OLFM2: variants seen among roughly 807,000 people sequenced by gnomAD.
OLFM2 encodes the protein noelin-2.
Under a neutral mutation model 43.9 loss-of-function variants are expected in OLFM2, and 20 were observed. The ratio of observed to expected loss-of-function variants is 0.46; its 90% confidence interval spans 0.32 to 0.66. The LOEUF is 0.66. OLFM2 is among the 30% of genes least tolerant of loss of function. OLFM2 has a pLI of 0.04. For missense variants in OLFM2, 416 were observed against 643.6 expected (o/e 0.65, Z 3.83); for synonymous variants, 268 against 278.6 (o/e 0.96, Z 0.38).
chr19:9,872,713 T>G (rs1178482357), intron 1 of OLFM2, among the ~76,000 whole-genome samples: 31 of 151,696 alleles, frequency 2.0e-4, no homozygotes, highest in Admixed American at 2.0e-3. Flanking sequence ...CATTCATCCA[T>G]CTATCCATTC....
At chr19:9,894,535 C>G (rs2046666569) in intron 1 of OLFM2, among the ~76,000 whole-genome samples, 1 of 151,550 alleles carries the variant, frequency 6.6e-6, no homozygotes. Flanking sequence ...CACGGAGAAA[C>G]CCCGTCTCTA....
intron 1 of OLFM2, among the ~76,000 whole-genome samples, chr19:9,906,048 C>T (rs1050939683): frequency 3.3e-5 from 5 of 152,176 alleles, no homozygotes; most frequent in African/African-American, 1.2e-4. Flanking sequence ...GCCATGAAGA[C>T]ACGCTCAAAC....
chr19:9,882,394 C>T (rs948882495), intron 1 of OLFM2, among the ~76,000 whole-genome samples: 1 of 151,396 alleles, frequency 6.6e-6, no homozygotes, highest in African/African-American at 2.4e-5. Context: ...AAAAATTAGC[C>T]AGGCAAGGTG....
intron 1 of OLFM2, among the ~76,000 whole-genome samples, chr19:9,920,893 T>G (rs1417382082): frequency 6.7e-6 from 1 of 149,968 alleles, no homozygotes. Context: ...GGCAACAGAG[T>G]GAGACTCCAT....
chr19:9,913,535 G>C, intron 1 of OLFM2: 1 of 1,214,406 alleles, frequency 8.2e-7, no homozygotes, highest in African/African-American at 1.6e-5. Flanking sequence ...CCCCACGAGC[G>C]AGGGCAGCGT....
At chr19:9,894,376 C>CAATAATAATAATAATAAT (rs528905230) in intron 1 of OLFM2, among the ~76,000 whole-genome samples, 32 of 118,286 alleles carry the variant, frequency 2.7e-4, no homozygotes, top group Middle Eastern at 4.3e-3. Flanking sequence ...GACTCTCTCT[C>CAATAATAATAATAATAAT]AATAATAATA....
intron 1 of OLFM2, among the ~76,000 whole-genome samples, chr19:9,889,643 T>C (rs1416833829): frequency 6.6e-6 from 1 of 151,926 alleles, no homozygotes; most frequent in East Asian, 1.9e-4. Context: ...TGCATCGGGG[T>C]GTCTGTGAGT....
At chr19:9,872,702 C>T (rs1472629624) in intron 1 of OLFM2, among the ~76,000 whole-genome samples, 1 of 151,892 alleles carries the variant, frequency 6.6e-6, no homozygotes, top group East Asian at 1.9e-4. Flanking sequence ...ACCTTTCCAC[C>T]CATTCATCCA....
chr19:9,917,334 CG>C (rs1382101187), intron 1 of OLFM2, among the ~76,000 whole-genome samples: 1 of 152,026 alleles, frequency 6.6e-6, no homozygotes, highest in Non-Finnish European at 1.5e-5. Context: ...CCACCATTCC[CG>C]GTCCTTTATT....
Position 9,900,945 on chromosome 19 carries a change from G to GGGAAGGAAGGAAGGAAGGAAGGAA in OLFM2, c.63+35335_63+35358dup, listed in dbSNP as rs762692609. Among the ~76,000 whole-genome samples the GGGAAGGAAGGAAGGAAGGAAGGAA allele has an allele frequency of 1.8e-3, 35 of 18,938 alleles. 1 individual carries two copies. Among genetic ancestry groups the GGGAAGGAAGGAAGGAAGGAAGGAA allele is most frequent in the Non-Finnish European group, 3.1e-3 (30 of 9,826 alleles). 12.4% of individuals were successfully genotyped at this position (18,938 alleles called of 152,430 possible). A position where few individuals can be genotyped will look rare whatever the true frequency, so the allele number is the denominator to read the frequency against. ...AAAGGGAAAGGGAAGGGGAGGGAAG[G>GGGAAGGAAGGAAGGAAGGAAGGAA]GGAAGGAAGGAAGGAAGGAAGGAAG... On this transcript the variant is annotated intron_variant, in intron 1 of 5. Transcript: ENST00000264833.
intron 1 of OLFM2, among the ~76,000 whole-genome samples, chr19:9,928,138 G>A (rs2086463816): frequency 6.6e-6 from 1 of 152,032 alleles, no homozygotes; most frequent in African/African-American, 2.4e-5. Context: ...TTGGGCCAAG[G>A]AGGTTGAGGC....
intron 1 of OLFM2, among the ~76,000 whole-genome samples, chr19:9,912,123 G>A (rs779091634): frequency 4.0e-5 from 6 of 151,736 alleles, no homozygotes; most frequent in Non-Finnish European, 5.9e-5. Flanking sequence ...TATACACACC[G>A]AAACACACAC....
At chr19:9,912,539 G>T (rs372635396) in intron 1 of OLFM2, among the ~76,000 whole-genome samples, 1 of 152,036 alleles carries the variant, frequency 6.6e-6, no homozygotes. Flanking sequence ...GTTGAGGAGT[G>T]GGGGGAAAGG....
intron 1 of OLFM2, among the ~76,000 whole-genome samples, chr19:9,899,131 G>A (rs2046709706): frequency 6.6e-6 from 1 of 151,974 alleles, no homozygotes; most frequent in Non-Finnish European, 1.5e-5. Flanking sequence ...CAGGCGTGGT[G>A]GCAGCCACCT....
chr19:9,933,579 CAG>C (rs1380407405), intron 1 of OLFM2, among the ~76,000 whole-genome samples: 1 of 98,082 alleles, frequency 1.0e-5, no homozygotes, highest in Non-Finnish European at 1.9e-5. Flanking sequence ...TTTTTTGAGA[CAG>C]AGTTTCACTC....
At chr19:9,890,033 G>A (rs1243250104) in intron 1 of OLFM2, among the ~76,000 whole-genome samples, 1 of 151,946 alleles carries the variant, frequency 6.6e-6, no homozygotes, top group African/African-American at 2.4e-5. Flanking sequence ...AGGGGACAAC[G>A]AAGGGTCCCC....
At chr19:9,880,578 G>C (rs10423393) in intron 1 of OLFM2, among the ~76,000 whole-genome samples, 4,499 of 152,124 alleles carry the variant, frequency 0.03, 205 homozygotes, top group African/African-American at 0.1. Flanking sequence ...ACCTGAGCAA[G>C]AGAGCGAGAC....
chr19:9,853,992 A>C lies in OLFM2; in HGVS notation c.*194T>G. On this transcript the variant is annotated 3_prime_UTR_variant, in exon 6 of 6. Coordinates refer to ENST00000264833, the MANE Select transcript of OLFM2 (RefSeq NM_058164.4). The stretch of plus-strand genomic sequence containing the variant: ...AAGAAGTGGTGTATTAAAAGCAGAG[A>C]TCAATAAAGGAGAAGAGGGGAAATT... 7 of 601,398 alleles carry C rather than the reference A, an allele frequency of 1.2e-5. No individual in the cohort carries two copies. The highest frequency in any genetic ancestry group is 2.1e-5 in the Non-Finnish European group (7 of 339,138). The allele number at this position is 601,398 out of a possible 1,614,324, so 37.3% of individuals were successfully genotyped here.
intron 1 of OLFM2, among the ~76,000 whole-genome samples, chr19:9,872,068 A>G (rs2046446869): frequency 6.6e-6 from 1 of 152,188 alleles, no homozygotes; most frequent in South Asian, 2.1e-4. Context: ...GAGGGCCGTG[A>G]TGAATGATGG....
Sources: gnomAD v4.1 joint callset for allele counts (sites outside exome capture counted in the v4.1 genomes callset) on GRCh38, gnomAD v4.1.1 for gene constraint, MANE v1.5 for transcripts, NCBI Gene and HGNC (gene_info 2026-07-23, HGNC 2026-07-21) for gene names.